KSR2: variants seen among roughly 807,000 people sequenced by gnomAD.
KSR2 encodes the protein kinase suppressor of ras 2.
In KSR2, 25 loss-of-function variants were observed where a neutral mutation model predicts 107.8. That is an observed-to-expected ratio of 0.23 (90% confidence interval 0.17 to 0.32). The LOEUF (loss-of-function observed/expected upper bound fraction) is 0.32, where lower values mean the gene tolerates loss of function less well. KSR2 is among the 10% of genes least tolerant of loss of function. The probability of loss-of-function intolerance (pLI) is 1.00; values close to 1 mark genes in which losing one functional copy is unlikely to be tolerated. For synonymous variants in KSR2, 480 were observed against 507.0 expected (o/e 0.95, Z 0.71); for missense variants, 887 against 1,268.9 (o/e 0.70, Z 4.57).
intron 4 of KSR2, among the ~76,000 whole-genome samples, chr12:117,734,390 T>C (rs1887856043): frequency 6.6e-6 from 1 of 151,874 alleles, no homozygotes; most frequent in Non-Finnish European, 1.5e-5. Flanking sequence ...CATCCAGTGA[T>C]TAAAGAGGCC....
chr12:117,747,618 T>A (rs965206697), intron 4 of KSR2, among the ~76,000 whole-genome samples: 18 of 151,778 alleles, frequency 1.2e-4, no homozygotes, highest in African/African-American at 4.3e-4. Flanking sequence ...AATAAAATAA[T>A]TAATTAATTA....
intron 1 of KSR2, among the ~76,000 whole-genome samples, chr12:117,871,898 C>T (rs887721545): frequency 6.6e-6 from 1 of 152,038 alleles, no homozygotes; most frequent in African/African-American, 2.4e-5. Context: ...TTCAAGCAAT[C>T]CTTTCACCTC....
chr12:117,671,828 G>C (rs1884917427), intron 4 of KSR2, among the ~76,000 whole-genome samples: 1 of 151,094 alleles, frequency 6.6e-6, no homozygotes, highest in African/African-American at 2.4e-5. Context: ...GCCTGCCCAG[G>C]AGTGGGGTGC....
intron 14 of KSR2, among the ~76,000 whole-genome samples, chr12:117,503,934 T>G (rs1309061223): frequency 6.6e-6 from 1 of 152,200 alleles, no homozygotes; most frequent in South Asian, 2.1e-4. Context: ...AGTTGTATTT[T>G]CCTTTGTGTT....
intron 5 of KSR2, among the ~76,000 whole-genome samples, chr12:117,624,997 T>G (rs1258471641): frequency 6.6e-6 from 1 of 152,204 alleles, no homozygotes; most frequent in African/African-American, 2.4e-5. Context: ...ATGATTTGGC[T>G]CTCCGTTTGT....
At chr12:117,490,895 T>G (rs1872710640) in intron 14 of KSR2, among the ~76,000 whole-genome samples, 1 of 152,234 alleles carries the variant, frequency 6.6e-6, no homozygotes, top group Non-Finnish European at 1.5e-5. Context: ...TAAATCAAGC[T>G]ATTGTATTTA....
chr12:117,490,748 G>T (rs12302548), intron 14 of KSR2, among the ~76,000 whole-genome samples: 15,225 of 152,130 alleles, frequency 0.1, 1,356 homozygotes, highest in African/African-American at 0.24. Context: ...ATGAAGCATG[G>T]TATCAATCTC....
intron 7 of KSR2, among the ~76,000 whole-genome samples, chr12:117,574,393 G>A (rs1217259095): frequency 6.6e-6 from 1 of 152,104 alleles, no homozygotes; most frequent in Non-Finnish European, 1.5e-5. Context: ...AGACATCCCT[G>A]AGACTGGGTA....
At position 117,728,732 on chromosome 12, in the gene KSR2, G is replaced by A. The variant is rs77215091; in HGVS notation, c.986+32279C>T. On this transcript the variant is annotated intron_variant, in intron 4 of 19. Coordinates refer to ENST00000339824, the MANE Select transcript of KSR2 (RefSeq NM_173598.6). ...CTCAGGTGATGCAGGGGCTTGGGCTGAGCTGCAGACTCACAGGGTCTCAGT... is the reference window on the plus strand; with the variant it reads ...CTCAGGTGATGCAGGGGCTTGGGCTAAGCTGCAGACTCACAGGGTCTCAGT... Among the ~76,000 whole-genome samples, 1,398 of 152,310 alleles carry A rather than the reference G, an allele frequency of 9.2e-3. 14 individuals are homozygous for A. Among genetic ancestry groups the A allele is most frequent in the African/African-American group, 0.029 (1,216 of 41,560 alleles).
intron 5 of KSR2, among the ~76,000 whole-genome samples, chr12:117,654,154 T>C (rs2090441): frequency 0.091 from 13,869 of 152,252 alleles, 925 homozygotes; most frequent in East Asian, 0.3. Context: ...GAACTGCCTA[T>C]GTGACCCGAA....
chr12:117,926,523 T>C (rs1265582070), intron 1 of KSR2, among the ~76,000 whole-genome samples: 1 of 152,210 alleles, frequency 6.6e-6, no homozygotes, highest in Non-Finnish European at 1.5e-5. Context: ...GGTTGGCCTC[T>C]CTCTCTGGAG....
At chr12:117,711,779 T>C (rs529224419) in intron 4 of KSR2, among the ~76,000 whole-genome samples, 17 of 152,340 alleles carry the variant, frequency 1.1e-4, no homozygotes, top group African/African-American at 3.6e-4. Flanking sequence ...CTTGCAGAGA[T>C]GCCCTTAGCT....
At chr12:117,807,853 T>C (rs1891064232) in intron 3 of KSR2, among the ~76,000 whole-genome samples, 1 of 152,184 alleles carries the variant, frequency 6.6e-6, no homozygotes, top group Non-Finnish European at 1.5e-5. Flanking sequence ...ACACCTGAAA[T>C]CCGCTCTTTC....
At chr12:117,651,932 C>T (rs1883921362) in intron 5 of KSR2, among the ~76,000 whole-genome samples, 1 of 152,188 alleles carries the variant, frequency 6.6e-6, no homozygotes, top group African/African-American at 2.4e-5. Flanking sequence ...ATAATTGGAT[C>T]CCAAGGTGGC....
chr12:117,831,610 C>A (rs995413270), intron 3 of KSR2, among the ~76,000 whole-genome samples: 1 of 152,084 alleles, frequency 6.6e-6, no homozygotes, highest in Non-Finnish European at 1.5e-5. Flanking sequence ...TAGTTATTAC[C>A]CAATAATAAT....
intron 2 of KSR2, among the ~76,000 whole-genome samples, chr12:117,859,815 T>C (rs1893228218): frequency 6.6e-6 from 1 of 152,230 alleles, no homozygotes; most frequent in Non-Finnish European, 1.5e-5. Context: ...TAAGAAGAGA[T>C]GACAATCATT....
chr12:117,545,159 T>C (rs1876766559), intron 9 of KSR2, among the ~76,000 whole-genome samples: 1 of 152,208 alleles, frequency 6.6e-6, no homozygotes, highest in Non-Finnish European at 1.5e-5. Context: ...ACCAGTCTTT[T>C]ATCCCTGGAA....
chr12:117,526,701 C>G (rs762471809), intron 13 of KSR2, among the ~76,000 whole-genome samples: 2 of 152,184 alleles, frequency 1.3e-5, no homozygotes, highest in Non-Finnish European at 2.9e-5. Context: ...CCAGAGCATT[C>G]TCAACACTTC....
intron 3 of KSR2, among the ~76,000 whole-genome samples, chr12:117,848,806 A>G (rs10850909): frequency 0.48 from 61,172 of 126,342 alleles, 15,403 homozygotes; most frequent in African/African-American, 0.72. Flanking sequence ...TGGTAACAAC[A>G]GTGATGGTGG....
Sources: allele counts gnomAD v4.1 joint callset (sites outside exome capture counted in the v4.1 genomes callset), GRCh38; gene constraint gnomAD v4.1.1; transcripts MANE v1.5; gene names NCBI Gene and HGNC (gene_info 2026-07-23, HGNC 2026-07-21).